The following KMT2D variants were observed in gnomAD, a reference collection of about 807,000 sequenced individuals.
KMT2D encodes the protein histone-lysine N-methyltransferase 2D.
Under a neutral mutation model 512.7 loss-of-function variants are expected in KMT2D, and 55 were observed. The observed-to-expected ratio is 0.11, with a 90% CI of 0.09 to 0.13. The LOEUF is 0.13. KMT2D is among the 10% of genes least tolerant of loss of function. The pLI is 1.00. For missense variants in KMT2D, 6,061 were observed against 7,127.9 expected (o/e 0.85, Z 5.39); for synonymous variants, 2,995 against 2,904.0 (o/e 1.03, Z -1.01).
In KMT2D at chr12:49,022,553, G is replaced by C. The variant is rs2137705900; in HGVS notation, c.16338+37C>G. On this transcript the variant is annotated intron_variant, in intron 52 of 54. Coordinates refer to ENST00000301067, the MANE Select transcript of KMT2D (RefSeq NM_003482.4). This position sits in a 1 kb window ranked among gnomAD's most constrained non-coding sequence, Gnocchi z 8.6. ...TGCCCTTGCTCCTTGGTTGAGTGCA[G>C]ACTATGCACCACAATGGCCCCTCTG... The C allele has an allele frequency of 6.3e-7, 1 of 1,599,282 alleles. No individual in the cohort carries two copies. Among genetic ancestry groups the C allele is most frequent in the East Asian group, 2.2e-5 (1 of 44,718 alleles).
In KMT2D at chr12:49,046,253, T is replaced by A. The variant is rs2120603393; in HGVS notation, c.4583+7A>T. On this transcript the variant is annotated splice_region_variant and intron_variant, in intron 17 of 54. Coordinates refer to ENST00000301067, the MANE Select transcript of KMT2D (RefSeq NM_003482.4). The surrounding 1 kb of genome is among the most constrained non-coding windows in gnomAD (Gnocchi z 4.2). Reference sequence around the variant, plus strand: ...GGGCCAAAGTGAGGAGAAAGGGATGTTCTCACCGTTCACAGTGGCGGCACT... The same window carrying A: ...GGGCCAAAGTGAGGAGAAAGGGATGATCTCACCGTTCACAGTGGCGGCACT... The A allele has an allele frequency of 3.1e-6, 5 of 1,613,954 alleles. No individual in the cohort carries two copies. The highest frequency in any genetic ancestry group is 4.2e-6 in the Non-Finnish European group (5 of 1,179,862).
In KMT2D at chr12:49,041,978, C is replaced by A; in HGVS notation, c.6122G>T (p.Arg2041Leu). The A allele has an allele frequency of 6.2e-7, 1 of 1,612,060 alleles. No homozygotes were observed. The highest frequency in any genetic ancestry group is 8.5e-7 in the Non-Finnish European group (1 of 1,179,110). Reference sequence around the variant, plus strand: ...CCAGAGCTTCATGATTTGTTTGCAACGGCTTGACCAGTCTGGAGGGCAGAG... The same window carrying A: ...CCAGAGCTTCATGATTTGTTTGCAAAGGCTTGACCAGTCTGGAGGGCAGAG... ...LKQDYPDWSS[R>L]CKQIMKLWRK... Residue 2041 changes from arginine (R) to leucine (L), a missense_variant, in exon 30 of 55, where the codon CGT becomes CTT. Coordinates refer to ENST00000301067, the MANE Select transcript of KMT2D (RefSeq NM_003482.4). This position sits in a 1 kb window ranked among gnomAD's most constrained non-coding sequence, Gnocchi z 5.4.
Position 49,019,595 on chromosome 12 carries a change from A to G in KMT2D, c.*2185T>C. 4.4e-6 allele frequency: 1 copy of G among 228,974 alleles called. No individual in the cohort carries two copies. Among genetic ancestry groups the G allele is most frequent in the Non-Finnish European group, 8.7e-6 (1 of 115,170 alleles). 14.2% of individuals were successfully genotyped at this position (228,974 alleles called of 1,614,324 possible). ...CAATCCCAGGGCCCAAGCCCCAAAC[A>G]CAGCCTGACTCACGGGAGCCAATCT... On this transcript the variant is annotated 3_prime_UTR_variant, in exon 55 of 55. Coordinates refer to ENST00000301067, the MANE Select transcript of KMT2D (RefSeq NM_003482.4).
rs368463145 is a variant in KMT2D at position 49,022,811 on chromosome 12, T to G, written c.16117A>C (p.Asn5373His). 3.1e-6 allele frequency: 5 copies of G among 1,613,234 alleles called. No individual in the cohort carries two copies. In the African/African-American group the frequency reaches 5.4e-5, roughly 17 times the overall value. ...AYQSTFTGET[N>H]TPYSKQFVHS... is the part of the protein sequence containing the mutation. ...ACAAACTGCTTGCTGTAGGGGGTGT[T>G]GGTCTCGCCTGTGAAGGTGCTCTGA... is the stretch of plus-strand genomic sequence containing the variant. Residue 5373 changes from asparagine (N) to histidine (H), a missense_variant, in exon 52 of 55, where the codon AAC (asparagine) becomes CAC (histidine). Physicochemically the swap from Asn to His is moderately conservative, Grantham distance 68. Coordinates refer to ENST00000301067, the MANE Select transcript of KMT2D (RefSeq NM_003482.4). This position sits in a 1 kb window ranked among gnomAD's most constrained non-coding sequence, Gnocchi z 8.6.
In KMT2D at chr12:49,032,021, C is replaced by T; in HGVS notation, c.12684G>A (p.Gln4228=). Residue 4228 remains glutamine, a synonymous_variant, in exon 40 of 55, where the codon CAG becomes CAA. Coordinates refer to ENST00000301067, the MANE Select transcript of KMT2D (RefSeq NM_003482.4). The stretch of plus-strand genomic sequence containing the variant: ...CTGCCTGACTCTGCTGCAGCTGCCG[C>T]TGCATGAGGAGTGCCTGTAGCTGCT... ...QQQQLQALLM[Q]RQLQQSQAVR... 1.2e-6 allele frequency: 2 copies of T among 1,610,168 alleles called. No individual in the cohort carries two copies. The highest frequency in any genetic ancestry group is 8.5e-7 in the Non-Finnish European group (1 of 1,177,396).
intron 35 of KMT2D, among the ~76,000 whole-genome samples, chr12:49,036,788 T>C (rs910740203): frequency 6.6e-6 from 1 of 152,142 alleles, no homozygotes; most frequent in Non-Finnish European, 1.5e-5. Context: ...GCATGAGCCA[T>C]TGTGCCTGGC....
Position 49,049,125 on chromosome 12 carries a change from A to C in KMT2D, c.4000T>G (p.Ser1334Ala), listed in dbSNP as rs750081274. ...CTTACTACCAGAGTCTCAATGGAAG[A>C]AGCAGTTGACTTTAGCCGGGCCCGT... Reference protein sequence around the residue: ...RGRARLKSTASSIETLVVADI... With the variant: ...RGRARLKSTAASIETLVVADI... Residue 1334 changes from serine (S) to alanine (A), a missense_variant, in exon 13 of 55, where the codon TCT becomes GCT. Transcript: ENST00000301067. 18 of 1,609,654 alleles carry C rather than the reference A, an allele frequency of 1.1e-5. No homozygotes were observed. The highest frequency in any genetic ancestry group is 1.6e-4 in the Middle Eastern group (1 of 6,080).
chr12:49,034,716 G>C (rs1257790113), intron 36 of KMT2D, 50 bp from the exon 37 acceptor site: 1 of 1,606,766 alleles, frequency 6.2e-7, no homozygotes, highest in Non-Finnish European at 8.5e-7. Flanking sequence ...AAGAAAGTTG[G>C]AAAGCAAAGA....
At position 49,043,142 on chromosome 12, in the gene KMT2D, G is replaced by C. The variant is rs754087687; in HGVS notation, c.5578C>G (p.Pro1860Ala). The change falls in exon 26 of 55, where the codon CCT becomes GCT. Residue 1860 changes from proline (P) to alanine (A), a missense_variant. Physicochemically the swap from Pro to Ala is conservative, Grantham distance 27. Coordinates refer to ENST00000301067, the MANE Select transcript of KMT2D (RefSeq NM_003482.4). ...GVKASPVPSD[P>A]EKPGTPGEGM... Reference sequence around the variant, plus strand: ...TCACCTGGGGTGCCTGGCTTCTCAGGGTCACTGGGCACTGGGGATGCCTTC... The same window carrying C: ...TCACCTGGGGTGCCTGGCTTCTCAGCGTCACTGGGCACTGGGGATGCCTTC... 6.2e-7 allele frequency: 1 copy of C among 1,613,922 alleles called. No individual in the cohort carries two copies. Among genetic ancestry groups the C allele is most frequent in the Non-Finnish European group, 8.5e-7 (1 of 1,179,854 alleles).
intron 35 of KMT2D, among the ~76,000 whole-genome samples, chr12:49,035,136 C>T (rs901489783): frequency 1.3e-5 from 2 of 152,108 alleles, no homozygotes; most frequent in African/African-American, 4.8e-5. Flanking sequence ...TTTACTTGCA[C>T]CGTGCTACAA....
At chr12:49,035,037 C>A (rs2120463726) in intron 35 of KMT2D, 102 bp from the exon 36 acceptor site, 1 of 1,424,908 alleles carries the variant, frequency 7.0e-7, no homozygotes, top group Non-Finnish European at 9.7e-7. Context: ...CCAGGCAGAA[C>A]AATGGCACGG....
In KMT2D at chr12:49,040,945, G is replaced by A. The variant is rs2120538214; in HGVS notation, c.6825C>T (p.Pro2275=). ...CCTTCCGGGACTCCCCAAAAGGTGG[G>A]GGCGAGAGCAGGGGCTCGGAAGCTT... ...GGKASEPLLS[P]PPFGESRKAL... Residue 2275 remains proline, a synonymous_variant, in exon 32 of 55, where the codon CCC becomes CCT. Transcript: ENST00000301067. 6.2e-7 allele frequency: 1 copy of A among 1,612,976 alleles called. No individual in the cohort carries two copies. The highest frequency in any genetic ancestry group is 1.7e-5 in the Admixed American group (1 of 59,872).
rs1340913203 is a variant in KMT2D, at chr12:49,060,641, G to A, written c.-1066C>T. ...CGGCCGGTAGGGTGGTTCCTGCGAA[G>A]GGGCTATTTCCTGGCCCAAGAGCTG... On this transcript the variant is annotated 5_prime_UTR_variant, in exon 1 of 55. Coordinates refer to ENST00000301067, the MANE Select transcript of KMT2D (RefSeq NM_003482.4). 2.6e-5 allele frequency among the ~76,000 whole-genome samples: 4 copies of A among 152,236 alleles called. No homozygotes were observed.
In KMT2D at chr12:49,052,937, G is replaced by A. The variant is rs2120691828; in HGVS notation, c.1090C>T (p.Gln364Ter). Residue 364 changes from glutamine (Q) to a stop codon, truncating the protein, a stop_gained, in exon 9 of 55, where the codon CAG (glutamine) becomes TAG (stop). Coordinates refer to ENST00000301067, the MANE Select transcript of KMT2D (RefSeq NM_003482.4). LOFTEE classifies it high-confidence loss of function. ...TACCTGCTACACACCGGGGTATGCT[G>A]CTCAGCAACGGAGCGGATAGTCTGA... ...GGQTIRSVAE[Q>*]HTPVCSRFSP... 1 of 1,613,994 alleles carries A rather than the reference G, an allele frequency of 6.2e-7. No homozygotes were observed. The highest frequency in any genetic ancestry group is 1.7e-4 in the Middle Eastern group (1 of 6,060).
At chr12:49,048,247 TA>T (rs1937677494) in intron 14 of KMT2D, among the ~76,000 whole-genome samples, 178 bp from the exon 15 acceptor site, 2 of 152,236 alleles carry the variant, frequency 1.3e-5, no homozygotes, top group Admixed American at 1.3e-4. Flanking sequence ...CTTACTCACC[TA>T]ATCAGGTCAC....
chr12:49,057,558 T>C (rs1938484371), intron 1 of KMT2D, among the ~76,000 whole-genome samples: 1 of 152,092 alleles, frequency 6.6e-6, no homozygotes, highest in Non-Finnish European at 1.5e-5. Flanking sequence ...AGATGAGAGA[T>C]TAAGAAGCAA....
chr12:49,038,103 G>A lies in KMT2D; in HGVS notation c.9253C>T (p.Leu3085=), dbSNP rs1943316220. The part of the protein sequence containing the change: ...SANEKAEREA[L]LRGVEPGPLG... ...GGTCCTGGCTCCACCCCCCGCAGCA[G>A]GGCCTCCCGTTCAGCCTTCTCATTA... is the stretch of plus-strand genomic sequence containing the variant. The change falls in exon 35 of 55, where the codon CTG becomes TTG. Residue 3085 remains leucine (L), a synonymous_variant. Coordinates refer to ENST00000301067, the MANE Select transcript of KMT2D (RefSeq NM_003482.4). The surrounding 1 kb of genome is among the most constrained non-coding windows in gnomAD (Gnocchi z 5.7). 2 of 1,613,902 alleles carry A rather than the reference G, an allele frequency of 1.2e-6. No homozygotes were observed. The highest frequency in any genetic ancestry group is 4.5e-5 in the East Asian group (2 of 44,880).
In KMT2D at chr12:49,033,884, CTGCTGCTGCTGCTGTTGT is replaced by C. The variant is rs776638703; in HGVS notation, c.10803_10820del (p.Gln3607_Gln3612del). On this transcript the variant is annotated inframe_deletion, in exon 40 of 55. Coordinates refer to ENST00000301067, the MANE Select transcript of KMT2D (RefSeq NM_003482.4). Reference sequence around the variant, plus strand: ...CAGCTGAGTGCTGTTGCTGTTGTTGCTGCTGCTGCTGCTGTTGTTGCTGCTGCTTGTTCCGATATTCTG... The same window carrying C: ...CAGCTGAGTGCTGTTGCTGTTGTTGCTGCTGCTGCTTGTTCCGATATTCTG... 6.8e-7 allele frequency: 1 copy of C among 1,467,494 alleles called. No homozygotes were observed. Among genetic ancestry groups the C allele is most frequent in the Admixed American group, 2.1e-5 (1 of 47,932 alleles). The allele number at this position is 1,467,494 out of a possible 1,614,324, so 90.9% of individuals were successfully genotyped here.
At position 49,053,559 on chromosome 12, in the gene KMT2D, G is replaced by A. The variant is rs398123759; in HGVS notation, c.756C>T (p.His252=). 4.4e-5 allele frequency: 71 copies of A among 1,600,336 alleles called. 1 individual carries two copies. In the Middle Eastern group the frequency reaches 1.3e-3, roughly 30 times the overall value. ...TCAGAGCAGTGTCCAGGCAGGCCCC[G>A]TGATAGTGATGCCCACAGCTGGTAC... ...FFCTSCGHHY[H]GACLDTALTA... is the part of the protein sequence containing the mutation. The change falls in exon 7 of 55, where the codon CAC becomes CAT. Residue 252 remains histidine, a synonymous_variant. Coordinates refer to ENST00000301067, the MANE Select transcript of KMT2D (RefSeq NM_003482.4).
Sources: gnomAD v4.1 joint callset for allele counts (sites outside exome capture counted in the v4.1 genomes callset) on GRCh38, gnomAD v4.1.1 for gene constraint, Gnocchi (gnomAD v3.1) non-coding constraint, MANE v1.5 for transcripts, NCBI Gene and HGNC (gene_info 2026-07-23, HGNC 2026-07-21) for gene names.